DYSF: variants seen among roughly 807,000 people sequenced by gnomAD.
DYSF encodes the protein dysferlin, also known as dystrophy-associated fer-1-like 1.
DYSF carries 212 observed loss-of-function variants against 274.9 expected under a neutral mutation model. That is an observed-to-expected ratio of 0.77 (90% CI 0.69 to 0.86). The LOEUF is 0.86. Ranked by LOEUF, DYSF falls within the 40% of genes least tolerant of loss-of-function variation. DYSF has a pLI of 0.00. For synonymous variants in DYSF, 1,091 were observed against 1,078.7 expected, an observed-to-expected ratio of 1.01 and a Z score of -0.22; for missense variants, 2,666 against 2,783.2, an observed-to-expected ratio of 0.96 and a Z score of 0.95.
At chr2:71,637,743 G>A (rs2094427824) in intron 41 of DYSF, among the ~76,000 whole-genome samples, 1 of 152,208 alleles carries the variant, frequency 6.6e-6, no homozygotes, top group Non-Finnish European at 1.5e-5. Context: ...GGTGGAAGGA[G>A]TTTAGGAGAA....
At chr2:71,505,059 A>T (rs1271714215) in intron 4 of DYSF, among the ~76,000 whole-genome samples, 1 of 152,218 alleles carries the variant, frequency 6.6e-6, no homozygotes, top group Admixed American at 6.5e-5. Flanking sequence ...GTTGAGCCCC[A>T]CTAGCTGAGC....
intron 1 of DYSF, among the ~76,000 whole-genome samples, chr2:71,468,510 C>G (rs4274621): frequency 0.18 from 27,263 of 152,080 alleles, 2,674 homozygotes; most frequent in East Asian, 0.45. Flanking sequence ...CTATTGCCCT[C>G]GCCCAAGTAC....
chr2:71,520,359 C>T (rs1245890756), intron 11 of DYSF, 151 bp downstream of exon 11: 2 of 901,234 alleles, frequency 2.2e-6, no homozygotes, highest in South Asian at 1.4e-5. Flanking sequence ...CATTCATCCT[C>T]CATGTGAGAC....
chr2:71,553,762 C>T (rs1242815171), intron 20 of DYSF, 45 bp from the exon 21 acceptor site: 2 of 1,500,900 alleles, frequency 1.3e-6, no homozygotes, highest in East Asian at 2.5e-5. Context: ...ATCCCACCCG[C>T]CCTCCACTCC....
chr2:71,543,484 C>T (rs934976292), intron 17 of DYSF, among the ~76,000 whole-genome samples: 8 of 152,320 alleles, frequency 5.3e-5, no homozygotes, highest in African/African-American at 1.9e-4. Context: ...GCTGCGATCT[C>T]GGCACTTTGG....
At position 71,598,745 on chromosome 2, in the gene DYSF, T is replaced by C. The variant is rs141720146; in HGVS notation, c.3756T>C (p.Tyr1252=). The C allele has an allele frequency of 1.6e-4, 261 of 1,611,652 alleles. 1 individual carries two copies. The highest frequency in any genetic ancestry group is 5.8e-4 in the Admixed American group (35 of 59,994). The change falls in exon 33 of 56, where the codon TAT becomes TAC. Residue 1252 remains tyrosine, a splice_region_variant and synonymous_variant. Coordinates refer to ENST00000410020, the MANE Select transcript of DYSF (RefSeq NM_001130987.2). ...TGGAGCTGTACGACCATGACACTTA[T>C]GTGAGTCTGCCCAGCTCCTGCCTCG... ...IVVELYDHDT[Y]GADEFMGRCI... is the part of the protein sequence containing the mutation.
At chr2:71,605,574 CT>C (rs1283602787) in intron 36 of DYSF, among the ~76,000 whole-genome samples, 1 of 152,110 alleles carries the variant, frequency 6.6e-6, no homozygotes, top group Non-Finnish European at 1.5e-5. Flanking sequence ...CTTGCTTCTG[CT>C]GCTGCTCTCC....
intron 14 of DYSF, among the ~76,000 whole-genome samples, chr2:71,529,135 C>T (rs1229571201): frequency 1.3e-5 from 2 of 152,248 alleles, no homozygotes; most frequent in Admixed American, 6.5e-5. Context: ...CAAACTGCCC[C>T]ATATCCAAAA....
chr2:71,601,936 C>G (rs907112033), intron 35 of DYSF, among the ~76,000 whole-genome samples: 1 of 152,244 alleles, frequency 6.6e-6, no homozygotes, highest in African/African-American at 2.4e-5. Context: ...CCCACTGAAG[C>G]AATTCTGAGG....
chr2:71,552,179 A>G (rs1453515609), intron 19 of DYSF, among the ~76,000 whole-genome samples: 1 of 152,126 alleles, frequency 6.6e-6, no homozygotes, highest in Non-Finnish European at 1.5e-5. Flanking sequence ...AACAAATGGT[A>G]GAGCTGGGCC....
In DYSF at chr2:71,466,854, C is replaced by G; in HGVS notation, c.12C>G (p.Cys4Trp). The change falls in exon 1 of 56, where the codon TGC (cysteine) becomes TGG (tryptophan). Residue 4 changes from cysteine (C) to tryptophan (W), a missense_variant. Cys to Trp is a radical substitution (Grantham distance 215). Around this residue, in one of 3 missense-constraint regions of DYSF, gnomAD observed 794 missense variants for 777.1 expected, o/e 1.02. Coordinates refer to ENST00000410020, the MANE Select transcript of DYSF (RefSeq NM_001130987.2). ...GGGGCTGCCCAGCCATGCTGTGCTG[C>G]CTGCTGGTGAGGGCCAGCAACCTCC... Reference protein sequence around the residue: MLCCLLVRASNLPS... With the variant: MLCWLLVRASNLPS... 1 of 1,540,374 alleles carries G rather than the reference C, an allele frequency of 6.5e-7. No homozygotes were observed. The highest frequency in any genetic ancestry group is 8.8e-7 in the Non-Finnish European group (1 of 1,138,672).
intron 41 of DYSF, among the ~76,000 whole-genome samples, chr2:71,622,136 T>TTTTTTTTG (rs771273061): frequency 5.1e-5 from 4 of 78,204 alleles, no homozygotes; most frequent in Admixed American, 1.3e-4. Flanking sequence ...CTTTGTTTTT[T>TTTTTTTTG]TTTTTTTTTT....
intron 42 of DYSF, among the ~76,000 whole-genome samples, chr2:71,647,688 G>A (rs2094588622): frequency 6.6e-6 from 1 of 152,228 alleles, no homozygotes; most frequent in African/African-American, 2.4e-5. Flanking sequence ...GATCAGAGTA[G>A]TAGCAGATCT....
intron 32 of DYSF, among the ~76,000 whole-genome samples, chr2:71,595,433 G>T (rs1219668864): frequency 6.6e-6 from 1 of 152,178 alleles, no homozygotes; most frequent in Non-Finnish European, 1.5e-5. Context: ...GTCTTCCTGG[G>T]GAAAGCTCCC....
chr2:71,531,196 C>A (rs956363535), intron 14 of DYSF, among the ~76,000 whole-genome samples: 3 of 152,044 alleles, frequency 2.0e-5, no homozygotes, highest in Admixed American at 6.5e-5. Flanking sequence ...CTGCACCACC[C>A]TGGAGAGAAT....
Position 71,466,894 on chromosome 2 carries a change from G to A in DYSF, c.52G>A (p.Asp18Asn). The change falls in exon 1 of 56, where the codon GAC (aspartate) becomes AAC (asparagine). Residue 18 changes from aspartate (D) to asparagine (N), a missense_variant. Coordinates refer to ENST00000410020, the MANE Select transcript of DYSF (RefSeq NM_001130987.2). Reference protein sequence around the residue: ...RASNLPSAKKDRRSDPVASLT... With the variant: ...RASNLPSAKKNRRSDPVASLT... ...CAGCAACCTCCCCAGTGCGAAGAAG[G>A]ACCGGCGCAGCGACCCTGTCGCAAG... 6.5e-7 allele frequency: 1 copy of A among 1,550,094 alleles called. No homozygotes were observed. The highest frequency in any genetic ancestry group is 8.7e-7 in the Non-Finnish European group (1 of 1,145,904).
intron 30 of DYSF, among the ~76,000 whole-genome samples, chr2:71,577,563 T>G (rs2092750436): frequency 7.5e-6 from 1 of 133,404 alleles, no homozygotes; most frequent in Admixed American, 7.4e-5. Context: ...ATCACACACA[T>G]ACCCTCACAC....
At chr2:71,563,085 G>A (rs977658226) in intron 23 of DYSF, among the ~76,000 whole-genome samples, 1 of 152,200 alleles carries the variant, frequency 6.6e-6, no homozygotes, top group African/African-American at 2.4e-5. Context: ...CTGCCCCCCT[G>A]GAACTGGGGC....
chr2:71,480,959 C>G, intron 2 of DYSF, 21 bp downstream of exon 2: 1 of 1,611,444 alleles, frequency 6.2e-7, no homozygotes, highest in Non-Finnish European at 8.5e-7. Context: ...TTTTCTCCTT[C>G]CTTTTCTCTC....
Sources: gnomAD v4.1 joint callset for allele counts (sites outside exome capture counted in the v4.1 genomes callset) on GRCh38, gnomAD v4.1.1 for gene constraint, gnomAD v4.1.1 regional missense constraint, MANE v1.5 for transcripts, NCBI Gene and HGNC (gene_info 2026-07-23, HGNC 2026-07-21) for gene names.